Variants in PTPRT observed in about 807,000 individuals in gnomAD.
PTPRT encodes the protein receptor-type tyrosine-protein phosphatase T.
Under a neutral mutation model 176.8 loss-of-function variants are expected in PTPRT, and 56 were observed. The observed-to-expected ratio is 0.32, with a 90% CI of 0.26 to 0.40. The LOEUF (loss-of-function observed/expected upper bound fraction) is 0.40. Among genes scored for constraint, PTPRT ranks in the 10% least tolerant of loss-of-function variants. The pLI is 1.00. For synonymous variants in PTPRT, 783 were observed against 739.0 expected (o/e 1.06, Z -0.96); for missense variants, 1,540 against 1,908.2 (o/e 0.81, Z 3.60).
chr20:42,246,291 C>T (rs561310039), intron 14 of PTPRT, among the ~76,000 whole-genome samples: 1 of 152,090 alleles, frequency 6.6e-6, no homozygotes, highest in Non-Finnish European at 1.5e-5. Context: ...TCTCTTCCTC[C>T]CCATTTTCTC....
At chr20:43,054,947 T>G (rs956425849) in intron 1 of PTPRT, among the ~76,000 whole-genome samples, 1 of 152,140 alleles carries the variant, frequency 6.6e-6, no homozygotes, top group East Asian at 1.9e-4. Flanking sequence ...TTTTCAAAGA[T>G]AAAAATGCAA....
At chr20:42,136,109 C>T (rs528079651) in intron 18 of PTPRT, among the ~76,000 whole-genome samples, 60 of 152,084 alleles carry the variant, frequency 3.9e-4, no homozygotes, top group Non-Finnish European at 6.9e-4. Flanking sequence ...CCTGTCATCT[C>T]AACCCACATC....
intron 13 of PTPRT, 100 bp downstream of exon 13, chr20:42,282,389 G>C (rs1373462947): frequency 8.1e-7 from 1 of 1,228,200 alleles, no homozygotes; most frequent in Non-Finnish European, 1.2e-6. Context: ...ATTCTTTCTT[G>C]TTTTGAGTTA....
At chr20:42,135,384 C>T (rs988836631) in intron 18 of PTPRT, among the ~76,000 whole-genome samples, 5 of 152,254 alleles carry the variant, frequency 3.3e-5, no homozygotes, top group Non-Finnish European at 7.3e-5. Context: ...CCAATGGCAT[C>T]AGCAGCACCT....
chr20:42,770,449 G>A (rs554560370), intron 5 of PTPRT, among the ~76,000 whole-genome samples: 44 of 152,290 alleles, frequency 2.9e-4, no homozygotes, highest in African/African-American at 8.9e-4. Context: ...AACAAGTTAC[G>A]TTTTAGTTCT....
At chr20:42,169,647 A>C (rs1166864919) in intron 16 of PTPRT, among the ~76,000 whole-genome samples, 1 of 151,960 alleles carries the variant, frequency 6.6e-6, no homozygotes, top group Non-Finnish European at 1.5e-5. Flanking sequence ...AAGTTAAATA[A>C]ACAGAAACAA....
intron 16 of PTPRT, among the ~76,000 whole-genome samples, chr20:42,167,143 A>G (rs958083114): frequency 1.3e-4 from 20 of 152,318 alleles, no homozygotes; most frequent in African/African-American, 4.8e-4. Flanking sequence ...TGCTCAGTAC[A>G]GTGTCTGGTA....
chr20:43,019,618 A>C (rs1985554981), intron 1 of PTPRT, among the ~76,000 whole-genome samples: 2 of 119,510 alleles, frequency 1.7e-5, no homozygotes, highest in South Asian at 4.9e-4. Context: ...ACACCGTCTC[A>C]AAAAAAAAAA....
intron 1 of PTPRT, among the ~76,000 whole-genome samples, chr20:43,166,974 A>G (rs2014875330): frequency 6.6e-6 from 1 of 152,170 alleles, no homozygotes; most frequent in Non-Finnish European, 1.5e-5. Flanking sequence ...GTGTCCTGTC[A>G]AGAGCCTGAC....
intron 2 of PTPRT, among the ~76,000 whole-genome samples, chr20:42,823,798 A>T (rs2077944011): frequency 6.6e-6 from 1 of 151,996 alleles, no homozygotes. Flanking sequence ...AAAGAAAGAA[A>T]TTTTTTATAA....
intron 7 of PTPRT, among the ~76,000 whole-genome samples, chr20:42,575,468 T>C (rs1284395226): frequency 6.6e-6 from 1 of 152,152 alleles, no homozygotes; most frequent in Non-Finnish European, 1.5e-5. Flanking sequence ...TGGGTTTCCA[T>C]CTCAGCAACA....
At chr20:42,695,397 C>T (rs4812624) in intron 6 of PTPRT, among the ~76,000 whole-genome samples, 55,322 of 152,016 alleles carry the variant, frequency 0.36, 11,084 homozygotes, top group African/African-American at 0.54. Context: ...CACACAACTA[C>T]GCTTGATTCT....
chr20:42,591,036 C>T (rs1367136066), intron 7 of PTPRT, among the ~76,000 whole-genome samples: 1 of 143,036 alleles, frequency 7.0e-6, no homozygotes, highest in African/African-American at 2.6e-5. Context: ...CTATATACAC[C>T]AAGATAATAT....
intron 7 of PTPRT, among the ~76,000 whole-genome samples, chr20:42,527,206 G>A (rs535136422): frequency 2.6e-5 from 4 of 151,740 alleles, no homozygotes; most frequent in Non-Finnish European, 4.4e-5. Flanking sequence ...CTCGTGATCC[G>A]CCTGCCTCGG....
At chr20:43,096,343 T>C (rs544651519) in intron 1 of PTPRT, among the ~76,000 whole-genome samples, 11 of 152,316 alleles carry the variant, frequency 7.2e-5, no homozygotes, top group African/African-American at 2.6e-4. Context: ...TATCAGAACC[T>C]GTAGGCTCAC....
chr20:42,591,933 G>T lies in PTPRT; in HGVS notation c.1153+85933C>A, dbSNP rs1218403811. Reference sequence around the variant, plus strand: ...ACAAACTTCGTTCTTAGTCTCTGTGGCCACCAGAGTCATTATGGTCATGGT... The same window carrying T: ...ACAAACTTCGTTCTTAGTCTCTGTGTCCACCAGAGTCATTATGGTCATGGT... On this transcript the variant is annotated intron_variant, in intron 7 of 30. Coordinates refer to ENST00000373187, the MANE Select transcript of PTPRT (RefSeq NM_007050.6). Among the ~76,000 whole-genome samples, 4 of 151,100 alleles carry T rather than the reference G, an allele frequency of 2.6e-5. 1 individual carries two copies. The highest frequency in any genetic ancestry group is 6.6e-5 in the Admixed American group (1 of 15,202).
chr20:43,055,346 A>G (rs1482825463), intron 1 of PTPRT, among the ~76,000 whole-genome samples: 2 of 152,212 alleles, frequency 1.3e-5, no homozygotes, highest in African/African-American at 4.8e-5. Flanking sequence ...GGCCTCCTTC[A>G]GTTCCTGTCA....
At chr20:42,569,625 C>T (rs2073119696) in intron 7 of PTPRT, among the ~76,000 whole-genome samples, 1 of 152,092 alleles carries the variant, frequency 6.6e-6, no homozygotes, top group South Asian at 2.1e-4. Flanking sequence ...CTGAGAGCAC[C>T]CAGGGAGGCA....
intron 7 of PTPRT, among the ~76,000 whole-genome samples, chr20:42,496,569 A>G (rs1484052969): frequency 2.6e-5 from 4 of 151,418 alleles, no homozygotes; most frequent in Non-Finnish European, 5.9e-5. Flanking sequence ...AATTCTTATG[A>G]TCTTGTGAAG....
Sources: gnomAD v4.1 joint callset for allele counts (sites outside exome capture counted in the v4.1 genomes callset) on GRCh38, gnomAD v4.1.1 for gene constraint, MANE v1.5 for transcripts, NCBI Gene and HGNC (gene_info 2026-07-23, HGNC 2026-07-21) for gene names.